The following ALG5 variants were observed in gnomAD, a reference collection of about 807,000 sequenced individuals.
ALG5 encodes the protein ALG5 dolichyl-phosphate beta-glucosyltransferase, also known as dolichyl-phosphate beta-glucosyltransferase.
In ALG5, 26 loss-of-function variants were observed where a neutral mutation model predicts 51.8. The observed-to-expected ratio is 0.50, with a 90% CI of 0.37 to 0.70. The LOEUF (loss-of-function observed/expected upper bound fraction) is 0.70, where lower values mean the gene tolerates loss of function less well. Among genes scored for constraint, ALG5 ranks in the 30% least tolerant of loss-of-function variants. The pLI is 0.00. For missense variants in ALG5, 311 were observed against 399.3 expected (o/e 0.78, Z 1.88); for synonymous variants, 141 against 136.1 (o/e 1.04, Z -0.25).
At chr13:36,985,935 T>C (rs2059000074) in intron 5 of ALG5, among the ~76,000 whole-genome samples, 195 bp from the exon 6 acceptor site, 1 of 152,192 alleles carries the variant, frequency 6.6e-6, no homozygotes, top group Non-Finnish European at 1.5e-5. Flanking sequence ...CCTATCTTCA[T>C]TATTTTAAAA....
intron 6 of ALG5, among the ~76,000 whole-genome samples, chr13:36,982,269 A>C (rs1050245491): frequency 6.6e-6 from 1 of 152,174 alleles, no homozygotes; most frequent in Non-Finnish European, 1.5e-5. Flanking sequence ...TTAAAAGGAG[A>C]CATATTTGCA....
At chr13:36,962,067 CG>C (rs2058869734) in intron 8 of ALG5, among the ~76,000 whole-genome samples, 1 of 152,078 alleles carries the variant, frequency 6.6e-6, no homozygotes, top group African/African-American at 2.4e-5. Context: ...GGATTACAGG[CG>C]TGAGCCACTA....
rs753567244 is a variant in ALG5 at position 36,965,653 on chromosome 13, C to G, written c.695G>C (p.Arg232Thr). The change falls in exon 8 of 10, where the codon AGG becomes ACG. Residue 232 changes from arginine (R) to threonine (T), a missense_variant. Coordinates refer to ENST00000239891, the MANE Select transcript of ALG5 (RefSeq NM_013338.5). ...LVWFLCVKGI[R>T]DTQCGFKLFT... is the part of the protein sequence containing the mutation. ...TAATTTGAACCCACACTGTGTGTCC[C>G]TGATTCCTTTGACACAAAGGAACCA... 1.9e-6 allele frequency: 3 copies of G among 1,613,998 alleles called. No individual in the cohort carries two copies. Among genetic ancestry groups the G allele is most frequent in the Non-Finnish European group, 2.5e-6 (3 of 1,179,914 alleles).
chr13:36,972,813 AAACCCC>A (rs386770009), intron 6 of ALG5, among the ~76,000 whole-genome samples: 54 of 152,182 alleles, frequency 3.5e-4, no homozygotes, highest in African/African-American at 1.3e-3. Context: ...TAACACAGCG[AAACCCC>A]GTCTCTACTA....
chr13:36,995,685 T>C (rs2059046308), intron 1 of ALG5, 89 bp from the exon 2 acceptor site: 1 of 1,265,976 alleles, frequency 7.9e-7, no homozygotes, highest in Non-Finnish European at 1.1e-6. Context: ...CATCTACTTT[T>C]CTTTTAGTTG....
chr13:36,964,113 G>C (rs1485329145), intron 8 of ALG5, among the ~76,000 whole-genome samples: 1 of 152,160 alleles, frequency 6.6e-6, no homozygotes, highest in Non-Finnish European at 1.5e-5. Flanking sequence ...ACTGCAACAG[G>C]ATATAATTAG....
intron 6 of ALG5, among the ~76,000 whole-genome samples, chr13:36,972,383 C>T (rs2058928174): frequency 6.6e-6 from 1 of 151,932 alleles, no homozygotes; most frequent in Admixed American, 6.6e-5. Flanking sequence ...TAATTATATA[C>T]CTTGAAAATC....
At chr13:36,985,548 G>A in intron 6 of ALG5, 79 bp downstream of exon 6, 1 of 1,156,092 alleles carries the variant, frequency 8.6e-7, no homozygotes. Context: ...TAAACTGATA[G>A]GTAAACTCTC....
rs376280362 is a variant in ALG5 at position 36,999,314 on chromosome 13, GC to G, written c.-15del. 7,452 of 1,567,350 alleles carry G rather than the reference GC, an allele frequency of 4.8e-3. 47 individuals are homozygous for G. The highest frequency in any genetic ancestry group is 0.022 in the South Asian group (1,868 of 86,340). On this transcript the variant is annotated 5_prime_UTR_variant, in exon 1 of 10. Transcript: ENST00000239891. ...AAGCGGAGCCATTCTCCATGCCGTG[GC>G]AGCCCGCCCAATCCCGCACCTCCAC... is the stretch of plus-strand genomic sequence containing the variant.
intron 8 of ALG5, among the ~76,000 whole-genome samples, chr13:36,959,384 C>T (rs577966084): frequency 1.3e-5 from 2 of 152,198 alleles, no homozygotes; most frequent in African/African-American, 2.4e-5. Context: ...AAAGGATGTA[C>T]ATTAATTAGC....
intron 8 of ALG5, among the ~76,000 whole-genome samples, chr13:36,961,722 ATT>A (rs1348192627): frequency 6.6e-6 from 1 of 152,218 alleles, no homozygotes; most frequent in Non-Finnish European, 1.5e-5. Flanking sequence ...TTATATTAAT[ATT>A]TGAATATATA....
chr13:36,951,110 G>A (rs2058816186), intron 9 of ALG5, among the ~76,000 whole-genome samples: 1 of 152,126 alleles, frequency 6.6e-6, no homozygotes, highest in Non-Finnish European at 1.5e-5. Flanking sequence ...TCCCACAAAT[G>A]AGGAAGTTGA....
At chr13:36,993,480 T>A in intron 4 of ALG5, 124 bp downstream of exon 4, 1 of 780,092 alleles carries the variant, frequency 1.3e-6, no homozygotes, top group Non-Finnish European at 2.2e-6. Context: ...CTATCTAGAC[T>A]ATAACAATGG....
At position 36,985,622 on chromosome 13, in the gene ALG5, C is replaced by T. The variant is rs2058998763; in HGVS notation, c.561+5G>A. On this transcript the variant is annotated splice_donor_5th_base_variant and intron_variant, in intron 6 of 9. Coordinates refer to ENST00000239891, the MANE Select transcript of ALG5 (RefSeq NM_013338.5). ...ATGTTATTTAAACTACATTCTTATA[C>T]TCACAGGCCAAGGCTGTAGATCATT... The T allele has an allele frequency of 4.4e-6, 7 of 1,605,188 alleles. No homozygotes were observed. The highest frequency in any genetic ancestry group is 6.0e-6 in the Non-Finnish European group (7 of 1,174,372).
intron 9 of ALG5, among the ~76,000 whole-genome samples, chr13:36,951,315 G>C (rs1464763018): frequency 3.9e-5 from 6 of 152,170 alleles, no homozygotes; most frequent in Admixed American, 3.9e-4. Context: ...AATCCCCTTT[G>C]ATTCTAGGCA....
intron 6 of ALG5, among the ~76,000 whole-genome samples, chr13:36,981,140 CTT>C (rs1248835513): frequency 1.3e-5 from 2 of 151,948 alleles, no homozygotes; most frequent in Non-Finnish European, 2.9e-5. Flanking sequence ...TGTAAGATGA[CTT>C]TGTATAAGAA....
chr13:36,980,824 A>C (rs546675680), intron 6 of ALG5, among the ~76,000 whole-genome samples: 1 of 151,890 alleles, frequency 6.6e-6, no homozygotes, highest in South Asian at 2.1e-4. Flanking sequence ...AAACACAAAA[A>C]ATAGCCTGGC....
At chr13:36,981,882 A>G (rs758705503) in intron 6 of ALG5, among the ~76,000 whole-genome samples, 223 of 152,244 alleles carry the variant, frequency 1.5e-3, no homozygotes, top group Non-Finnish European at 1.3e-3. Context: ...AAGTCAGGAG[A>G]TAGAGACCAT....
Position 36,953,805 on chromosome 13 carries a change from T to C in ALG5, c.774-1206A>G, listed in dbSNP as rs114323562. ...AAAAGTGGGTTGTATTTTAAAACTT[T>C]CGTCCCCTAGAATTGTGATACTTAT... On this transcript the variant is annotated intron_variant, in intron 8 of 9. Transcript: ENST00000239891. Among the ~76,000 whole-genome samples, 565 of 152,326 alleles carry C rather than the reference T, an allele frequency of 3.7e-3. 4 individuals are homozygous for C. The highest frequency in any genetic ancestry group is 0.013 in the African/African-American group (532 of 41,570).
Sources: allele counts gnomAD v4.1 joint callset (sites outside exome capture counted in the v4.1 genomes callset), GRCh38; gene constraint gnomAD v4.1.1; transcripts MANE v1.5; gene names NCBI Gene and HGNC (gene_info 2026-07-23, HGNC 2026-07-21).